Variants in LRRC37A2 observed in about 807,000 individuals in gnomAD.
LRRC37A2 encodes the protein leucine-rich repeat-containing protein 37A2.
In LRRC37A2, 9 loss-of-function variants were observed where a neutral mutation model predicts 68.8. The ratio of observed to expected loss-of-function variants is 0.13; its 90% CI spans 0.08 to 0.23. LRRC37A2 has a LOEUF of 0.23. Ranked by LOEUF, LRRC37A2 falls within the 10% of genes least tolerant of loss-of-function variation. The probability of loss-of-function intolerance (pLI) is 1.00; values close to 1 mark genes in which losing one functional copy is unlikely to be tolerated. For synonymous variants in LRRC37A2, 63 were observed against 367.6 expected (o/e 0.17, Z 9.48); for missense variants, 168 against 950.4 (o/e 0.18, Z 10.82).
chr17:46,829,546 G>A, the LRRC37A2 span, among the ~76,000 whole-genome samples: 2 of 152,102 alleles, frequency 1.3e-5, no homozygotes, highest in African/African-American at 2.4e-5. Flanking sequence ...TCATTCTCAG[G>A]TGTCTAGGAG....
chr17:46,770,056 G>A, the LRRC37A2 span: 1 of 1,538,026 alleles, frequency 6.5e-7, no homozygotes, highest in Non-Finnish European at 8.8e-7. Context: ...TGGCTGCGGG[G>A]AGGTCGTGGG....
chr17:47,005,836 T>C, the LRRC37A2 span: 1 of 152,238 alleles, frequency 6.6e-6, no homozygotes, highest in Admixed American at 6.5e-5. Flanking sequence ...TTTTGTTTTA[T>C]TGGAACAAAA....
the LRRC37A2 span, among the ~76,000 whole-genome samples, chr17:46,900,188 T>TACAC: frequency 7.8e-5 from 9 of 115,536 alleles, no homozygotes; most frequent in East Asian, 4.6e-4. Flanking sequence ...TATATATATA[T>TACAC]ATATATATAT....
chr17:46,724,463 G>A, the LRRC37A2 span, among the ~76,000 whole-genome samples: 1 of 152,190 alleles, frequency 6.6e-6, no homozygotes, highest in Non-Finnish European at 1.5e-5. Context: ...AAAGGAGTAT[G>A]GTGAATCATG....
At chr17:46,803,545 A>T in the LRRC37A2 span, among the ~76,000 whole-genome samples, 4 of 152,156 alleles carry the variant, frequency 2.6e-5, no homozygotes, top group African/African-American at 9.7e-5. Flanking sequence ...GAAAAAAAAA[A>T]GTTAAACAAT....
chr17:46,939,212 C>T, the LRRC37A2 span: 2 of 1,078,778 alleles, frequency 1.9e-6, no homozygotes, highest in Non-Finnish European at 1.1e-6. Flanking sequence ...TTCTCACAGC[C>T]ATTATATTAA....
chr17:46,967,723 C>G, the LRRC37A2 span, among the ~76,000 whole-genome samples: 6 of 151,166 alleles, frequency 4.0e-5, no homozygotes, highest in African/African-American at 1.5e-4. Context: ...TCAGACAGTT[C>G]TGTAGACAAC....
chr17:46,752,046 G>A, the LRRC37A2 span, among the ~76,000 whole-genome samples: 3 of 152,142 alleles, frequency 2.0e-5, no homozygotes, highest in African/African-American at 7.2e-5. Flanking sequence ...TATACCAAAC[G>A]GTGTCTGGGA....
chr17:46,904,617 T>C, the LRRC37A2 span, among the ~76,000 whole-genome samples: 1 of 152,028 alleles, frequency 6.6e-6, no homozygotes, highest in Non-Finnish European at 1.5e-5. Flanking sequence ...GGTGGGTAGA[T>C]GGATGAATGA....
At chr17:46,815,660 A>G in the LRRC37A2 span, among the ~76,000 whole-genome samples, 3 of 152,134 alleles carry the variant, frequency 2.0e-5, no homozygotes, top group Non-Finnish European at 4.4e-5. Context: ...CCCCAGCTCC[A>G]AGACCAAAGA....
the LRRC37A2 span, among the ~76,000 whole-genome samples, chr17:46,963,282 C>T: frequency 9.8e-5 from 15 of 152,322 alleles, no homozygotes; most frequent in Non-Finnish European, 2.9e-5. Flanking sequence ...CAGTGGCTCA[C>T]GCCTATAATC....
the LRRC37A2 span, among the ~76,000 whole-genome samples, chr17:46,828,118 G>T: frequency 2.0e-5 from 3 of 151,942 alleles, no homozygotes; most frequent in Non-Finnish European, 4.4e-5. Context: ...ATGAGCCACC[G>T]GGCCTGGCCA....
chr17:46,875,517 C>T, the LRRC37A2 span: 3 of 1,147,488 alleles, frequency 2.6e-6, no homozygotes, highest in Non-Finnish European at 3.6e-6. Flanking sequence ...CTTCAACCAG[C>T]ATTCCCTTGG....
At chr17:46,610,429 G>A in the LRRC37A2 span, among the ~76,000 whole-genome samples, 1 of 17,226 alleles carries the variant, frequency 5.8e-5, no homozygotes, top group Non-Finnish European at 1.1e-4. Flanking sequence ...GCATTCCCTT[G>A]TTGGGACAGG....
chr17:46,975,800 A>T, the LRRC37A2 span, among the ~76,000 whole-genome samples: 2 of 152,326 alleles, frequency 1.3e-5, no homozygotes, highest in South Asian at 4.1e-4. Flanking sequence ...GAATCCTGCA[A>T]AGTGTCCCCA....
chr17:46,580,004 T>C, the LRRC37A2 span, among the ~76,000 whole-genome samples: 3 of 149,480 alleles, frequency 2.0e-5, no homozygotes, highest in African/African-American at 7.5e-5. Flanking sequence ...AGGTTTGAGC[T>C]AACCTCGGAG....
chr17:47,013,245 T>C, the LRRC37A2 span, among the ~76,000 whole-genome samples: 1 of 152,144 alleles, frequency 6.6e-6, no homozygotes, highest in Non-Finnish European at 1.5e-5. Flanking sequence ...TTGTTTTAGA[T>C]TGGTGAAAAT....
chr17:46,880,771 A>C, the LRRC37A2 span, among the ~76,000 whole-genome samples: 23 of 152,190 alleles, frequency 1.5e-4, no homozygotes, highest in African/African-American at 5.3e-4. Context: ...GGATCGCCCC[A>C]TTTTATTGAT....
the LRRC37A2 span, among the ~76,000 whole-genome samples, chr17:46,836,853 A>G: frequency 6.6e-6 from 1 of 152,260 alleles, no homozygotes. Flanking sequence ...ATGTGTGAAT[A>G]AAGAATTTGG....
Sources: allele counts gnomAD v4.1 joint callset (sites outside exome capture counted in the v4.1 genomes callset), GRCh38; gene constraint gnomAD v4.1.1; transcripts MANE v1.5; gene names NCBI Gene and HGNC (gene_info 2026-07-23, HGNC 2026-07-21).